Variants in ZNF717 observed in about 807,000 individuals in gnomAD.
ZNF717 encodes zinc finger protein 717, also known as krueppel-like factor X17.
In ZNF717, 9 loss-of-function variants were observed where a neutral mutation model predicts 13.8. The ratio of observed to expected loss-of-function variants is 0.65; its 90% CI spans 0.39 to 1.14. ZNF717 has a LOEUF of 1.14. Among genes scored for constraint, ZNF717 ranks in the 50% most tolerant of loss-of-function variants. ZNF717 has a pLI of 0.01. For synonymous variants in ZNF717, 327 were observed against 364.1 expected, an observed-to-expected ratio of 0.90 and a Z score of 1.16; for missense variants, 1,040 against 1,080.7, an observed-to-expected ratio of 0.96 and a Z score of 0.53.
In ZNF717 at chr3:75,736,388, A is replaced by T. The variant is rs1939210777; in HGVS notation, c.*490T>A. On this transcript the variant is annotated 3_prime_UTR_variant, in exon 5 of 5. Coordinates refer to ENST00000652011, the MANE Select transcript of ZNF717 (RefSeq NM_001290208.3). Reference sequence around the variant, plus strand: ...CAAAGCTAAGCTTCTTGCATCAGCTACTCAAGTTGTGAATGCAAAGAAAAA... The same window carrying T: ...CAAAGCTAAGCTTCTTGCATCAGCTTCTCAAGTTGTGAATGCAAAGAAAAA... 6.4e-6 allele frequency: 1 copy of T among 157,230 alleles called. No homozygotes were observed. The highest frequency in any genetic ancestry group is 1.9e-4 in the South Asian group (1 of 5,204). The allele number at this position is 157,230 out of a possible 1,614,324, so 9.7% of individuals were successfully genotyped here.
chr3:75,709,019 T>TA (rs1937872686), downstream of ZNF717, among the ~76,000 whole-genome samples: 1 of 151,360 alleles, frequency 6.6e-6, no homozygotes, highest in East Asian at 1.9e-4. Context: ...TTTTTTTTTT[T>TA]AGATGGATTC....
At chr3:75,730,655 A>G (rs1938476897) in intron 5 of ZNF717, 1 of 701,918 alleles carries the variant, frequency 1.4e-6, no homozygotes, top group South Asian at 1.5e-5. Context: ...CAGAATTTCA[A>G]TGGTACCTGA....
At chr3:75,695,062 A>G (rs1362947405) in intron 6 of ZNF717, among the ~76,000 whole-genome samples, 1 of 152,242 alleles carries the variant, frequency 6.6e-6, no homozygotes, top group African/African-American at 2.4e-5. Flanking sequence ...ATAGAGAAGC[A>G]GGACAATAAT....
At chr3:75,753,948 T>A (rs1301435966) in intron 2 of ZNF717, among the ~76,000 whole-genome samples, 36 of 151,054 alleles carry the variant, frequency 2.4e-4, no homozygotes, top group Admixed American at 2.4e-3. Flanking sequence ...CACATAGGAT[T>A]CCAGACACGG....
intron 6 of ZNF717, among the ~76,000 whole-genome samples, chr3:75,696,880 G>A (rs1445526186): frequency 7.0e-6 from 1 of 142,016 alleles, no homozygotes; most frequent in African/African-American, 2.6e-5. Flanking sequence ...GTGACAGAGG[G>A]AGACTTCATC....
intron 4 of ZNF717, among the ~76,000 whole-genome samples, chr3:75,739,632 C>T (rs1940091024): frequency 6.6e-6 from 1 of 152,010 alleles, no homozygotes; most frequent in Admixed American, 6.6e-5. Flanking sequence ...ACTTCCTACT[C>T]ATAGGTTTTA....
chr3:75,742,839 G>C (rs1219551655), intron 2 of ZNF717, among the ~76,000 whole-genome samples: 1 of 152,184 alleles, frequency 6.6e-6, no homozygotes, highest in Non-Finnish European at 1.5e-5. Context: ...TCCACAGATT[G>C]GATAACTCTC....
At chr3:75,774,478 G>T (rs953199307) in intron 2 of ZNF717, among the ~76,000 whole-genome samples, 2 of 152,002 alleles carry the variant, frequency 1.3e-5, no homozygotes, top group African/African-American at 2.4e-5. Context: ...AGGTAAACAG[G>T]ACTATTTGAC....
At chr3:75,750,535 G>C (rs1243705308) in intron 2 of ZNF717, among the ~76,000 whole-genome samples, 1 of 151,494 alleles carries the variant, frequency 6.6e-6, no homozygotes, top group East Asian at 1.9e-4. Context: ...CACTGCTGCT[G>C]GGTTCTGAGG....
At chr3:75,765,846 T>G (rs998081503) in intron 2 of ZNF717, among the ~76,000 whole-genome samples, 2 of 152,258 alleles carry the variant, frequency 1.3e-5, no homozygotes, top group South Asian at 4.1e-4. Context: ...TGGTGGCTCA[T>G]GCCTGTAATC....
intron 2 of ZNF717, among the ~76,000 whole-genome samples, chr3:75,778,592 C>CTG (rs1944527737): frequency 3.7e-4 from 54 of 147,300 alleles, no homozygotes; most frequent in African/African-American, 1.3e-3. Context: ...TGGGAGTGAC[C>CTG]TGCCAAAACC....
chr3:75,727,543 G>T (rs1210944024), downstream of ZNF717, among the ~76,000 whole-genome samples: 1 of 152,158 alleles, frequency 6.6e-6, no homozygotes, highest in African/African-American at 2.4e-5. Flanking sequence ...CGCTCTGGGA[G>T]TGTCTGTCTT....
intron 5 of ZNF717, among the ~76,000 whole-genome samples, chr3:75,711,916 T>C (rs796479486): frequency 2.0e-5 from 3 of 152,260 alleles, no homozygotes; most frequent in Non-Finnish European, 2.9e-5. Flanking sequence ...AAGGTCCTAA[T>C]TGACAATGAA....
chr3:75,700,095 T>C (rs1472186630), intron 6 of ZNF717, among the ~76,000 whole-genome samples: 1 of 152,310 alleles, frequency 6.6e-6, no homozygotes, highest in Non-Finnish European at 1.5e-5. Flanking sequence ...TTTCATGCCA[T>C]CTCTATCAAA....
intron 2 of ZNF717, among the ~76,000 whole-genome samples, chr3:75,780,358 T>G (rs1485801498): frequency 6.6e-6 from 1 of 152,254 alleles, no homozygotes; most frequent in African/African-American, 2.4e-5. Flanking sequence ...GCTAAGGCCC[T>G]ACATTTTGGT....
At chr3:75,775,165 T>C (rs936614259) in intron 2 of ZNF717, among the ~76,000 whole-genome samples, 5 of 152,054 alleles carry the variant, frequency 3.3e-5, no homozygotes, top group African/African-American at 7.2e-5. Context: ...GATTTTACCA[T>C]GTTGGCCAGG....
chr3:75,744,070 C>T lies in ZNF717; in HGVS notation c.58-2334G>A, dbSNP rs1485890931. Among the ~76,000 whole-genome samples, 3 of 152,254 alleles carry T rather than the reference C, an allele frequency of 2.0e-5. No homozygotes were observed. In the East Asian group the frequency reaches 5.8e-4, roughly 29 times the overall value. ...AGAATAAAAGAAACAAGTACAGAAT[C>T]TACAGAAACACTAACATTTACACAG... On this transcript the variant is annotated intron_variant, in intron 2 of 4. Transcript: ENST00000652011.
At chr3:75,756,697 G>A (rs551201039) in intron 2 of ZNF717, among the ~76,000 whole-genome samples, 50 of 151,354 alleles carry the variant, frequency 3.3e-4, no homozygotes, top group Non-Finnish European at 6.0e-4. Flanking sequence ...TTTTTGAGAC[G>A]GAGTTTCATT....
chr3:75,699,376 C>A (rs1453673828), intron 6 of ZNF717, among the ~76,000 whole-genome samples: 3 of 152,302 alleles, frequency 2.0e-5, no homozygotes, highest in African/African-American at 7.2e-5. Context: ...GTGTGTGTTC[C>A]CACAAAAATC....
Sources: gnomAD v4.1 joint callset for allele counts (sites outside exome capture counted in the v4.1 genomes callset) on GRCh38, gnomAD v4.1.1 for gene constraint, MANE v1.5 for transcripts, NCBI Gene and HGNC (gene_info 2026-07-23, HGNC 2026-07-21) for gene names.